DMXL1: variants seen among roughly 807,000 people sequenced by gnomAD.
DMXL1 encodes Dmx like 1.
A neutral mutation model predicts 319.2 loss-of-function variants in DMXL1; 99 were observed. The observed-to-expected ratio is 0.31, with a 90% CI of 0.26 to 0.37. DMXL1 has a LOEUF of 0.37. Among genes scored for constraint, DMXL1 ranks in the 10% least tolerant of loss-of-function variants. The probability of loss-of-function intolerance (pLI) is 1.00; values close to 1 mark genes in which losing one functional copy is unlikely to be tolerated. For missense variants in DMXL1, 3,745 were observed against 3,595.6 expected, an observed-to-expected ratio of 1.04 and a Z score of -1.06; for synonymous variants, 1,385 against 1,235.2, an observed-to-expected ratio of 1.12 and a Z score of -2.54.
At chr5:119,125,333 C>G (rs1175774128) in intron 9 of DMXL1, among the ~76,000 whole-genome samples, 3 of 152,064 alleles carry the variant, frequency 2.0e-5, no homozygotes, top group Non-Finnish European at 4.4e-5. Context: ...TAGGAATGAT[C>G]TATAAATGCA....
chr5:119,071,419 G>A lies in DMXL1; in HGVS notation c.-151G>A. The A allele has an allele frequency of 2.6e-6, 2 of 764,764 alleles. No homozygotes were observed. The highest frequency in any genetic ancestry group is 5.8e-5 in the East Asian group (2 of 34,362). The allele number at this position is 764,764 out of a possible 1,614,324, so 47.4% of individuals were successfully genotyped here. On this transcript the variant is annotated 5_prime_UTR_variant, in exon 1 of 44. Coordinates refer to ENST00000539542, the MANE Select transcript of DMXL1 (RefSeq NM_001290321.3). The stretch of plus-strand genomic sequence containing the variant: ...GGCTCGGGATGAGTCGCGGGCCCCA[G>A]CTGAGCGGCTCCGGCTCCAGGCGCC...
chr5:119,157,276 C>T (rs541780524), intron 19 of DMXL1, among the ~76,000 whole-genome samples: 15 of 152,182 alleles, frequency 9.9e-5, no homozygotes, highest in Non-Finnish European at 2.1e-4. Context: ...CACGGCTTTT[C>T]TCTTCACTCT....
At chr5:119,072,223 G>A (rs1186621523) in intron 1 of DMXL1, among the ~76,000 whole-genome samples, 1 of 151,998 alleles carries the variant, frequency 6.6e-6, no homozygotes, top group Admixed American at 6.6e-5. Flanking sequence ...AATATTTCTT[G>A]GATATTTTAC....
At chr5:119,198,921 C>T (rs1780157762) in intron 32 of DMXL1, among the ~76,000 whole-genome samples, 1 of 152,172 alleles carries the variant, frequency 6.6e-6, no homozygotes, top group Non-Finnish European at 1.5e-5. Context: ...AAGTCTTGCT[C>T]TATTAATCAG....
chr5:119,200,271 C>CA (rs541735625), intron 32 of DMXL1, among the ~76,000 whole-genome samples: 127 of 152,252 alleles, frequency 8.3e-4, no homozygotes, highest in African/African-American at 3.0e-3. Context: ...GGAAGGCATT[C>CA]AGTTTCAATC....
intron 34 of DMXL1, among the ~76,000 whole-genome samples, chr5:119,208,785 G>A (rs905700010): frequency 1.2e-4 from 19 of 152,008 alleles, no homozygotes; most frequent in Admixed American, 4.6e-4. Flanking sequence ...ATACACTAGC[G>A]AAGCCATCAC....
chr5:119,173,207 G>A (rs1038203545), intron 25 of DMXL1, among the ~76,000 whole-genome samples: 1 of 151,972 alleles, frequency 6.6e-6, no homozygotes, highest in African/African-American at 2.4e-5. Flanking sequence ...AGGCGTAGTG[G>A]CACATGCCTA....
chr5:119,121,285 T>C, intron 9 of DMXL1, 146 bp downstream of exon 9: 1 of 590,762 alleles, frequency 1.7e-6, no homozygotes, highest in Non-Finnish European at 2.6e-6. Flanking sequence ...TTTTTTTTAA[T>C]TTATTATTTA....
At chr5:119,126,543 A>G (rs1763617603) in intron 9 of DMXL1, among the ~76,000 whole-genome samples, 1 of 152,234 alleles carries the variant, frequency 6.6e-6, no homozygotes, top group Admixed American at 6.5e-5. Context: ...TAGGAAGTGT[A>G]CTTAGAGCTG....
intron 25 of DMXL1, among the ~76,000 whole-genome samples, chr5:119,173,609 C>T (rs1775049806): frequency 6.6e-6 from 1 of 150,494 alleles, no homozygotes. Flanking sequence ...GTATCTCATC[C>T]TCCAGCAGGC....
At chr5:119,074,176 C>T (rs571416035) in intron 1 of DMXL1, among the ~76,000 whole-genome samples, 1 of 152,314 alleles carries the variant, frequency 6.6e-6, no homozygotes, top group South Asian at 2.1e-4. Context: ...GTCTTGGCCT[C>T]CCAAAGTGCT....
At chr5:119,090,449 C>T (rs975276390) in intron 1 of DMXL1, among the ~76,000 whole-genome samples, 1 of 151,424 alleles carries the variant, frequency 6.6e-6, no homozygotes, top group Non-Finnish European at 1.5e-5. Flanking sequence ...TTTCTACTTT[C>T]TCTTGTTCAA....
intron 34 of DMXL1, among the ~76,000 whole-genome samples, chr5:119,211,821 C>A (rs1170271221): frequency 3.3e-5 from 5 of 152,230 alleles, no homozygotes; most frequent in African/African-American, 7.2e-5. Flanking sequence ...TCACTTTTTC[C>A]ATGGATCTGC....
chr5:119,207,777 C>T (rs554192809), intron 34 of DMXL1, among the ~76,000 whole-genome samples: 3 of 152,266 alleles, frequency 2.0e-5, no homozygotes, highest in East Asian at 1.9e-4. Context: ...CTGCCTTGGC[C>T]TCCCAAAGTG....
intron 41 of DMXL1, 142 bp from the exon 42 acceptor site, chr5:119,240,277 G>A (rs1235563188): frequency 3.8e-6 from 2 of 523,204 alleles, no homozygotes; most frequent in East Asian, 6.0e-5. Context: ...ATATAAATTT[G>A]TTGGTTACTT....
intron 8 of DMXL1, 127 bp downstream of exon 8, chr5:119,119,131 C>T: frequency 3.4e-6 from 2 of 592,990 alleles, no homozygotes; most frequent in Non-Finnish European, 5.4e-6. Context: ...ATTTTCAGTT[C>T]TATTTGGTTC....
chr5:119,221,952 G>T (rs1308139681), intron 37 of DMXL1, among the ~76,000 whole-genome samples: 2 of 151,712 alleles, frequency 1.3e-5, no homozygotes, highest in Non-Finnish European at 2.9e-5. Context: ...TATTACGTAG[G>T]TTATAGGAAC....
chr5:119,125,704 A>G (rs1051113111), intron 9 of DMXL1, among the ~76,000 whole-genome samples: 6 of 152,060 alleles, frequency 3.9e-5, no homozygotes, highest in East Asian at 1.9e-4. Context: ...AGCTGGGACT[A>G]CAGACGCCCG....
In DMXL1 at chr5:119,149,050, G is replaced by A. The variant is rs761226292; in HGVS notation, c.3223G>A (p.Val1075Met). The A allele has an allele frequency of 6.2e-7, 1 of 1,613,936 alleles. No homozygotes were observed. Among genetic ancestry groups the A allele is most frequent in the Non-Finnish European group, 8.5e-7 (1 of 1,179,874 alleles). ...TAATAGTAGATCTTCCCAGGACTTT[G>A]TGATGCATGTAAGTATTTTTGAATG... ...ASNSRSSQDF[V>M]MHVSIFECES... is the part of the protein sequence containing the mutation. Residue 1075 changes from valine (V) to methionine (M), a missense_variant, in exon 18 of 44, where the codon GTG becomes ATG. Around this residue, in one of 4 missense-constraint regions of DMXL1, gnomAD observed 2,096 missense variants for 1,985.4 expected, o/e 1.06. Transcript: ENST00000539542.
Sources: gnomAD v4.1 joint callset for allele counts (sites outside exome capture counted in the v4.1 genomes callset) on GRCh38, gnomAD v4.1.1 for gene constraint, gnomAD v4.1.1 regional missense constraint, MANE v1.5 for transcripts, NCBI Gene and HGNC (gene_info 2026-07-23, HGNC 2026-07-21) for gene names.